The following PHACTR1 variants were observed in gnomAD, a reference collection of about 807,000 sequenced individuals.
PHACTR1 encodes RPEL repeat containing 1.
A neutral mutation model predicts 69.2 loss-of-function variants in PHACTR1; 16 were observed. The observed-to-expected ratio is 0.23, with a 90% confidence interval of 0.16 to 0.35. The LOEUF (loss-of-function observed/expected upper bound fraction) is 0.35, where lower values mean the gene tolerates loss of function less well. PHACTR1 is among the 10% of genes least tolerant of loss of function. The pLI, the probability that PHACTR1 is intolerant of heterozygous loss-of-function variation, is 1.00. For synonymous variants in PHACTR1, 312 were observed against 284.5 expected (o/e 1.10, Z -0.97); for missense variants, 510 against 734.7 (o/e 0.69, Z 3.54).
intron 4 of PHACTR1, among the ~76,000 whole-genome samples, chr6:12,849,726 T>C (rs577025815): frequency 6.6e-5 from 10 of 152,024 alleles, no homozygotes; most frequent in Non-Finnish European, 1.3e-4. Context: ...AGTTTTCCCG[T>C]CCCCCAGATA....
At chr6:13,007,871 T>C (rs1798997147) in intron 4 of PHACTR1, among the ~76,000 whole-genome samples, 1 of 152,196 alleles carries the variant, frequency 6.6e-6, no homozygotes, top group Non-Finnish European at 1.5e-5. Context: ...TGTTGCTATC[T>C]GCTAAGTGTT....
chr6:12,774,859 C>A (rs1164888457), intron 4 of PHACTR1, among the ~76,000 whole-genome samples: 2 of 152,128 alleles, frequency 1.3e-5, no homozygotes, highest in African/African-American at 4.8e-5. Flanking sequence ...GGTGCCAGAT[C>A]CAGTTAAGTT....
chr6:12,837,984 T>G (rs1244170142), intron 4 of PHACTR1, among the ~76,000 whole-genome samples: 1 of 152,176 alleles, frequency 6.6e-6, no homozygotes, highest in African/African-American at 2.4e-5. Flanking sequence ...AAGGAGCCAT[T>G]TCCAAGCTCA....
intron 6 of PHACTR1, among the ~76,000 whole-genome samples, chr6:13,168,117 G>A (rs1299232601): frequency 1.3e-5 from 2 of 152,134 alleles, no homozygotes; most frequent in East Asian, 1.9e-4. Context: ...ACCTAGAAAT[G>A]GCATTTTCTG....
intron 4 of PHACTR1, among the ~76,000 whole-genome samples, chr6:12,945,447 G>A (rs1790573271): frequency 6.6e-6 from 1 of 152,176 alleles, no homozygotes; most frequent in Non-Finnish European, 1.5e-5. Flanking sequence ...TCCAGTGCCT[G>A]GCATGGTGCT....
chr6:12,918,296 T>G lies in PHACTR1; in HGVS notation c.251-135069T>G, dbSNP rs141253456. Among the ~76,000 whole-genome samples the G allele has an allele frequency of 9.1e-3, 1,379 of 152,214 alleles. 27 individuals are homozygous for G. The highest frequency in any genetic ancestry group is 0.03 in the African/African-American group (1,257 of 41,502). ...AATCATCAGAGTTCTGGGGAAACAC[T>G]AGGCTGACATTTTAAAATTTCCATT... On this transcript the variant is annotated intron_variant, in intron 4 of 14. Transcript: ENST00000332995.
intron 3 of PHACTR1, chr6:12,749,343 T>G (rs1372361320): frequency 2.1e-6 from 1 of 470,650 alleles, no homozygotes; most frequent in Non-Finnish European, 4.1e-6. Flanking sequence ...CTCGGCCCTG[T>G]GGCTGGGAGA....
chr6:13,210,828 G>A (rs1766698888), intron 8 of PHACTR1, among the ~76,000 whole-genome samples: 1 of 151,562 alleles, frequency 6.6e-6, no homozygotes, highest in African/African-American at 2.4e-5. Context: ...CTGTTTGTTT[G>A]GGTAAGTTTC....
chr6:12,896,424 C>A (rs1784678172), intron 4 of PHACTR1, among the ~76,000 whole-genome samples: 2 of 152,208 alleles, frequency 1.3e-5, no homozygotes, highest in Non-Finnish European at 2.9e-5. Context: ...CAATTCCCGT[C>A]ACCTGCTTAC....
At chr6:13,077,119 A>C (rs529229815) in intron 5 of PHACTR1, among the ~76,000 whole-genome samples, 31 of 151,424 alleles carry the variant, frequency 2.0e-4, no homozygotes, top group Non-Finnish European at 4.3e-4. Context: ...ACAAAAAAAA[A>C]CACTGAAGTT....
At chr6:13,193,478 C>T (rs539864725) in intron 7 of PHACTR1, among the ~76,000 whole-genome samples, 1 of 149,542 alleles carries the variant, frequency 6.7e-6, no homozygotes, top group African/African-American at 2.4e-5. Context: ...CCTCAAATTC[C>T]TGGGCTCAAA....
chr6:12,921,842 A>AGAGGGAGGGAGGGAGGGGGGGAGGGAGG (rs767461437), intron 4 of PHACTR1, among the ~76,000 whole-genome samples: 1 of 109,752 alleles, frequency 9.1e-6, no homozygotes, highest in African/African-American at 3.5e-5. Flanking sequence ...AGGGAGGGAG[A>AGAGGGAGGGAGGGAGGGGGGGAGGGAGG]GAGGGAGGCA....
intron 6 of PHACTR1, among the ~76,000 whole-genome samples, chr6:13,166,913 G>A (rs1759890778): frequency 6.6e-6 from 1 of 152,114 alleles, no homozygotes; most frequent in Non-Finnish European, 1.5e-5. Context: ...CATATGAATG[G>A]ACCTATGCAG....
chr6:12,770,609 G>A (rs1001859525), intron 4 of PHACTR1, among the ~76,000 whole-genome samples: 7 of 152,178 alleles, frequency 4.6e-5, no homozygotes, highest in African/African-American at 1.7e-4. Context: ...AAGTCCCCCT[G>A]GTTCACAAGA....
intron 5 of PHACTR1, among the ~76,000 whole-genome samples, chr6:13,105,564 G>A (rs1186241117): frequency 6.6e-6 from 1 of 152,110 alleles, no homozygotes; most frequent in East Asian, 1.9e-4. Context: ...CCCACAAGTT[G>A]TAAGGCATGG....
chr6:13,279,534 A>C (rs1293210884), intron 12 of PHACTR1: 1 of 152,270 alleles, frequency 6.6e-6, no homozygotes. Context: ...CTGAAATATC[A>C]TACCAATTAT....
intron 11 of PHACTR1, 171 bp downstream of exon 11, chr6:13,273,086 A>C (rs202054): frequency 1.0e-5 from 10 of 980,054 alleles, no homozygotes; most frequent in Middle Eastern, 4.6e-4. Context: ...ACCTCCCCAA[A>C]GAGAAGGCAA....
chr6:13,159,397 T>C (rs1758653051), intron 5 of PHACTR1, among the ~76,000 whole-genome samples: 1 of 152,202 alleles, frequency 6.6e-6, no homozygotes, highest in Admixed American at 6.5e-5. Flanking sequence ...TTTTTTAAAA[T>C]AGTTGGAAAG....
intron 10 of PHACTR1, among the ~76,000 whole-genome samples, chr6:13,260,876 C>T (rs907897651): frequency 2.6e-5 from 4 of 152,172 alleles, no homozygotes; most frequent in African/African-American, 9.7e-5. Flanking sequence ...ATTGAATCAT[C>T]GATGACCTTA....
Sources: gnomAD v4.1 joint callset for allele counts (sites outside exome capture counted in the v4.1 genomes callset) on GRCh38, gnomAD v4.1.1 for gene constraint, MANE v1.5 for transcripts, NCBI Gene and HGNC (gene_info 2026-07-23, HGNC 2026-07-21) for gene names.